MCHR2: variants seen among roughly 807,000 people sequenced by gnomAD.
MCHR2 encodes melanin concentrating hormone receptor 2.
In MCHR2, 15 loss-of-function variants were observed where a neutral mutation model predicts 24.8. The ratio of observed to expected loss-of-function variants is 0.60; its 90% CI spans 0.40 to 0.93. MCHR2 has a LOEUF of 0.93. Among genes scored for constraint, MCHR2 ranks in the 40% least tolerant of loss-of-function variants. The pLI, the probability that MCHR2 is intolerant of heterozygous loss-of-function variation, is 0.00. For synonymous variants in MCHR2, 151 were observed against 147.6 expected, an observed-to-expected ratio of 1.02 and a Z score of -0.17; for missense variants, 386 against 408.7, an observed-to-expected ratio of 0.94 and a Z score of 0.48.
At chr6:99,981,811 C>A (rs536887167) in intron 1 of MCHR2, among the ~76,000 whole-genome samples, 1 of 152,196 alleles carries the variant, frequency 6.6e-6, no homozygotes, top group South Asian at 2.1e-4. Flanking sequence ...CTCTAAGAAA[C>A]AGTCGGTGAT....
rs563822247 is a variant in MCHR2, at chr6:99,975,516, G to A, written c.-28+18420C>T. Among the ~76,000 whole-genome samples, 659 of 152,288 alleles carry A rather than the reference G, an allele frequency of 4.3e-3. 5 individuals are homozygous for A. The highest frequency in any genetic ancestry group is 0.015 in the African/African-American group (617 of 41,564). ...GAAAGGGAACTCCCTGACCCCTTGC[G>A]CTTCCCAAGTGAGGCAATGCCTCGC... On this transcript the variant is annotated intron_variant, in intron 1 of 5. Transcript: ENST00000281806.
At chr6:99,930,969 T>A (rs1299224212) in intron 5 of MCHR2, among the ~76,000 whole-genome samples, 2 of 152,114 alleles carry the variant, frequency 1.3e-5, no homozygotes, top group Non-Finnish European at 2.9e-5. Flanking sequence ...ATCTTTGTGG[T>A]TTTATCTACT....
chr6:99,954,504 C>T (rs1007514576), intron 2 of MCHR2, among the ~76,000 whole-genome samples: 6 of 152,122 alleles, frequency 3.9e-5, no homozygotes, highest in African/African-American at 7.2e-5. Flanking sequence ...CAAAATGCTG[C>T]TGTATAACAC....
intron 4 of MCHR2, among the ~76,000 whole-genome samples, chr6:99,936,670 A>T (rs1774667631): frequency 6.6e-6 from 1 of 151,796 alleles, no homozygotes. Flanking sequence ...TTAGCTATTC[A>T]GGGTCTTTTG....
chr6:99,943,335 T>C (rs1774813890), intron 3 of MCHR2, among the ~76,000 whole-genome samples, 192 bp from the exon 4 acceptor site: 1 of 150,562 alleles, frequency 6.6e-6, no homozygotes, highest in Non-Finnish European at 1.5e-5. Flanking sequence ...TTTATTTATT[T>C]ATTTTTATTA....
chr6:99,944,847 C>A (rs1774845601), intron 3 of MCHR2, among the ~76,000 whole-genome samples: 1 of 152,094 alleles, frequency 6.6e-6, no homozygotes. Context: ...TTTTTTCCCA[C>A]CTGGTTCTGC....
At chr6:99,932,561 G>A (rs1774569185) in intron 5 of MCHR2, among the ~76,000 whole-genome samples, 1 of 152,166 alleles carries the variant, frequency 6.6e-6, no homozygotes, top group African/African-American at 2.4e-5. Flanking sequence ...AGTATCAACA[G>A]TGATGTAACG....
chr6:99,927,324 T>A (rs955098863), intron 5 of MCHR2, among the ~76,000 whole-genome samples: 4 of 152,230 alleles, frequency 2.6e-5, no homozygotes, highest in Admixed American at 6.5e-5. Flanking sequence ...TGTGGGCTCT[T>A]TTTTGGTTCC....
At chr6:99,969,029 T>C (rs1236454207) in intron 1 of MCHR2, among the ~76,000 whole-genome samples, 1 of 152,202 alleles carries the variant, frequency 6.6e-6, no homozygotes, top group Non-Finnish European at 1.5e-5. Context: ...TTATAAATGA[T>C]GAAAAGTCTC....
chr6:99,922,676 C>A (rs1243219692), intron 5 of MCHR2, among the ~76,000 whole-genome samples: 2 of 152,068 alleles, frequency 1.3e-5, no homozygotes, highest in Non-Finnish European at 2.9e-5. Context: ...GTTCTTGGCA[C>A]CTTTGTTAAA....
chr6:99,936,739 T>A (rs1168407842), intron 4 of MCHR2, among the ~76,000 whole-genome samples: 1 of 151,946 alleles, frequency 6.6e-6, no homozygotes, highest in Non-Finnish European at 1.5e-5. Context: ...GTTATTGGTA[T>A]TTTGAGAGAG....
At chr6:99,941,353 T>C (rs1038241448) in intron 4 of MCHR2, among the ~76,000 whole-genome samples, 2 of 151,626 alleles carry the variant, frequency 1.3e-5, no homozygotes, top group Admixed American at 1.3e-4. Context: ...TGGTGCTGTA[T>C]ATTTGTCTTT....
chr6:99,964,724 A>T (rs1264732192), intron 1 of MCHR2, among the ~76,000 whole-genome samples: 1 of 152,134 alleles, frequency 6.6e-6, no homozygotes, highest in African/African-American at 2.4e-5. Flanking sequence ...GATACAGCCA[A>T]ACCATATAAC....
intron 5 of MCHR2, among the ~76,000 whole-genome samples, chr6:99,932,472 C>T (rs573654000): frequency 1.3e-5 from 2 of 152,088 alleles, no homozygotes; most frequent in African/African-American, 4.8e-5. Flanking sequence ...TTCCAAAGAA[C>T]AGAATAGTGA....
chr6:99,976,369 A>G (rs1170997768), intron 1 of MCHR2, among the ~76,000 whole-genome samples: 2 of 152,200 alleles, frequency 1.3e-5, no homozygotes, highest in Non-Finnish European at 2.9e-5. Flanking sequence ...TTTTCAGCCT[A>G]CATGAAAACC....
chr6:99,993,421 C>A (rs1775923005), intron 1 of MCHR2, among the ~76,000 whole-genome samples: 1 of 152,090 alleles, frequency 6.6e-6, no homozygotes, highest in South Asian at 2.1e-4. Flanking sequence ...CACAGAAGGC[C>A]GTCCGGAGGC....
At chr6:99,931,508 G>A (rs967344983) in intron 5 of MCHR2, among the ~76,000 whole-genome samples, 1 of 152,198 alleles carries the variant, frequency 6.6e-6, no homozygotes, top group Non-Finnish European at 1.5e-5. Flanking sequence ...CGAGCTTCCA[G>A]GCTGCTTTGT....
intron 2 of MCHR2, among the ~76,000 whole-genome samples, chr6:99,951,223 G>T (rs1774958517): frequency 6.6e-6 from 1 of 152,066 alleles, no homozygotes; most frequent in African/African-American, 2.4e-5. Flanking sequence ...CATCCCATCT[G>T]GCATTTAACT....
chr6:99,920,977 A>G lies in MCHR2; in HGVS notation c.986T>C (p.Ile329Thr). The change falls in exon 6 of 6, where the codon ATC becomes ACC. Residue 329 changes from isoleucine (I) to threonine (T), a missense_variant. Physicochemically the swap from Ile to Thr is moderately conservative, Grantham distance 89 (BLOSUM62 -1). Transcript: ENST00000281806. Reference sequence around the variant, plus strand: ...TTTCAGAGTGTTTCCCATATTGTTGATTTCCTTCTCAGTCGCTCTTCTTTG... The same window carrying G: ...TTTCAGAGTGTTTCCCATATTGTTGGTTTCCTTCTCAGTCGCTCTTCTTTG... ...QIQRRATEKE[I>T]NNMGNTLKSH... The G allele has an allele frequency of 6.2e-7, 1 of 1,614,074 alleles. No individual in the cohort carries two copies. The highest frequency in any genetic ancestry group is 8.5e-7 in the Non-Finnish European group (1 of 1,179,982).
Sources: allele counts gnomAD v4.1 joint callset (sites outside exome capture counted in the v4.1 genomes callset), GRCh38; gene constraint gnomAD v4.1.1; transcripts MANE v1.5; gene names NCBI Gene and HGNC (gene_info 2026-07-23, HGNC 2026-07-21).